The following TWSG1 variants were observed in gnomAD, a reference collection of about 807,000 sequenced individuals.
TWSG1 encodes the protein twisted gastrulation protein homolog 1.
TWSG1 carries 15 observed loss-of-function variants against 23.0 expected under a neutral mutation model. The observed-to-expected ratio is 0.65, with a 90% CI of 0.44 to 1.00. The LOEUF (loss-of-function observed/expected upper bound fraction) is 1.00. TWSG1 is among the 50% of genes least tolerant of loss of function. TWSG1 has a pLI of 0.00. For synonymous variants in TWSG1, 86 were observed against 92.8 expected (o/e 0.93, Z 0.42); for missense variants, 242 against 278.7 (o/e 0.87, Z 0.94).
intron 3 of TWSG1, chr18:9,387,890 A>G (rs1203924246): frequency 6.6e-6 from 1 of 152,210 alleles, no homozygotes; most frequent in Non-Finnish European, 1.5e-5. Context: ...CTGTTGTAAC[A>G]CCTAACAAAA....
intron 3 of TWSG1, among the ~76,000 whole-genome samples, chr18:9,392,462 G>C (rs1190158862): frequency 1.3e-5 from 2 of 152,190 alleles, no homozygotes; most frequent in African/African-American, 4.8e-5. Flanking sequence ...AGAGGGCCTT[G>C]CTCTGGATTG....
At chr18:9,394,075 C>A (rs2040723828) in intron 3 of TWSG1, among the ~76,000 whole-genome samples, 1 of 152,126 alleles carries the variant, frequency 6.6e-6, no homozygotes. Context: ...GAAAGGAAAT[C>A]AGTATATCGA....
intron 2 of TWSG1, among the ~76,000 whole-genome samples, chr18:9,354,575 GT>G (rs2040516319): frequency 6.6e-6 from 1 of 152,174 alleles, no homozygotes; most frequent in African/African-American, 2.4e-5. Context: ...AACTGATGAA[GT>G]TTATGAAGGT....
intron 2 of TWSG1, among the ~76,000 whole-genome samples, chr18:9,338,431 C>T (rs775467620): frequency 6.6e-6 from 1 of 152,154 alleles, no homozygotes; most frequent in Non-Finnish European, 1.5e-5. Flanking sequence ...GTAGTTACTG[C>T]AGTCACTACC....
chr18:9,369,157 A>C (rs1286206193), intron 3 of TWSG1, among the ~76,000 whole-genome samples: 2 of 150,920 alleles, frequency 1.3e-5, no homozygotes, highest in Non-Finnish European at 3.0e-5. Flanking sequence ...AAATAAAATA[A>C]AATAAATAAT....
At chr18:9,337,025 G>A (rs1409677009) in intron 1 of TWSG1, among the ~76,000 whole-genome samples, 168 bp from the exon 2 acceptor site, 1 of 152,136 alleles carries the variant, frequency 6.6e-6, no homozygotes. Context: ...AGTGAGCTAT[G>A]ATCACACCAC....
chr18:9,376,148 C>T (rs2040629475), intron 3 of TWSG1, among the ~76,000 whole-genome samples: 1 of 152,156 alleles, frequency 6.6e-6, no homozygotes, highest in Non-Finnish European at 1.5e-5. Context: ...AACTCCTGAC[C>T]TCAAGTGATC....
At chr18:9,362,143 TATTA>T (rs1258054172) in intron 3 of TWSG1, among the ~76,000 whole-genome samples, 1 of 152,240 alleles carries the variant, frequency 6.6e-6, no homozygotes, top group Non-Finnish European at 1.5e-5. Flanking sequence ...ATTAACTGTA[TATTA>T]ATTTAATATG....
intron 3 of TWSG1, among the ~76,000 whole-genome samples, chr18:9,380,191 G>A (rs928526155): frequency 2.0e-5 from 3 of 152,144 alleles, no homozygotes; most frequent in African/African-American, 7.2e-5. Context: ...CATCTTGTAT[G>A]TGGCAAGCAC....
chr18:9,346,235 C>A (rs576677683), intron 2 of TWSG1, among the ~76,000 whole-genome samples: 2 of 152,288 alleles, frequency 1.3e-5, no homozygotes, highest in East Asian at 3.9e-4. Flanking sequence ...TAGTTGGAAT[C>A]ATACAGAATG....
At chr18:9,388,303 A>C (rs550442545) in intron 3 of TWSG1, 1 of 152,382 alleles carries the variant, frequency 6.6e-6, no homozygotes, top group Admixed American at 6.5e-5. Context: ...AAGTTCAAAG[A>C]AAAGTTCACT....
At chr18:9,369,854 T>C (rs2040596600) in intron 3 of TWSG1, among the ~76,000 whole-genome samples, 1 of 152,204 alleles carries the variant, frequency 6.6e-6, no homozygotes, top group Non-Finnish European at 1.5e-5. Flanking sequence ...ACATATTTTT[T>C]ATATTAACCG....
At chr18:9,387,902 TAAC>T (rs1256980873) in intron 3 of TWSG1, 5 of 152,334 alleles carry the variant, frequency 3.3e-5, no homozygotes, top group African/African-American at 1.2e-4. Flanking sequence ...CTAACAAAAT[TAAC>T]AATAATTTCT....
At chr18:9,345,895 T>C (rs1025866583) in intron 2 of TWSG1, among the ~76,000 whole-genome samples, 6 of 152,190 alleles carry the variant, frequency 3.9e-5, no homozygotes, top group Non-Finnish European at 7.4e-5. Flanking sequence ...ATATACCCAT[T>C]CCCCCCACAT....
rs2040655375 is a variant in TWSG1, at chr18:9,381,353, GTGT to G, written c.224-14923_224-14921del. ...TCTGAAAAATTCAGTCTTTTGTGCT[GTGT>G]TGTAGTGGTTGAAGTATATAAAGAA... On this transcript the variant is annotated intron_variant, in intron 3 of 4. Coordinates refer to ENST00000262120, the MANE Select transcript of TWSG1 (RefSeq NM_020648.6). Among the ~76,000 whole-genome samples the G allele has an allele frequency of 5.9e-5, 9 of 152,260 alleles. No homozygotes were observed. The South Asian group carries it at 1.9e-3, about 32-fold the overall frequency.
At position 9,396,326 on chromosome 18, in the gene TWSG1, G is replaced by A. The variant is rs140046588; in HGVS notation, c.270G>A (p.Lys90=). Residue 90 remains lysine, a synonymous_variant, in exon 4 of 5, where the codon AAG becomes AAA. Transcript: ENST00000262120. ...RNYSDTPPTS[K]STVEELHEPI... is the part of the protein sequence containing the mutation. ...ATAGTGACACACCTCCAACTTCAAA[G>A]AGCACAGTGGAGGAGCTGCATGAAC... The A allele has an allele frequency of 6.9e-4, 1,117 of 1,614,102 alleles. 8 individuals are homozygous for A. The African/African-American group carries it at 0.013, about 19-fold the overall frequency.
intron 3 of TWSG1, among the ~76,000 whole-genome samples, chr18:9,363,505 A>G (rs2040562452): frequency 6.6e-6 from 1 of 152,216 alleles, no homozygotes; most frequent in African/African-American, 2.4e-5. Flanking sequence ...AGGTATTACA[A>G]AGTAAATCAT....
In TWSG1 at chr18:9,400,381, A is replaced by G. The variant is rs1031735680; in HGVS notation, c.*854A>G. ...ACGAATGCCAAATCAGACTCCACCT[A>G]GAGCACCAGGAAACAGCTTGTACCC... On this transcript the variant is annotated 3_prime_UTR_variant, in exon 5 of 5. Coordinates refer to ENST00000262120, the MANE Select transcript of TWSG1 (RefSeq NM_020648.6). 1 of 152,206 alleles carries G rather than the reference A, an allele frequency of 6.6e-6. No individual in the cohort carries two copies. Among genetic ancestry groups the G allele is most frequent in the Non-Finnish European group, 1.5e-5 (1 of 68,050 alleles). 9.4% of individuals were successfully genotyped at this position (152,206 alleles called of 1,614,324 possible).
chr18:9,363,529 G>A (rs1016148593), intron 3 of TWSG1, among the ~76,000 whole-genome samples: 7 of 152,024 alleles, frequency 4.6e-5, no homozygotes, highest in South Asian at 2.1e-4. Context: ...ACTATTATCC[G>A]TGAAGTCCTT....
Sources: gnomAD v4.1 joint callset for allele counts (sites outside exome capture counted in the v4.1 genomes callset) on GRCh38, gnomAD v4.1.1 for gene constraint, MANE v1.5 for transcripts, NCBI Gene and HGNC (gene_info 2026-07-23, HGNC 2026-07-21) for gene names.